The following TPGS2 variants were observed in gnomAD, a reference collection of about 807,000 sequenced individuals.
The protein encoded by TPGS2 is polyglutamylase subunit 2.
In TPGS2, 26 loss-of-function variants were observed where a neutral mutation model predicts 31.1. That is an observed-to-expected ratio of 0.84 (90% CI 0.61 to 1.16). TPGS2 has a LOEUF of 1.16. Among genes scored for constraint, TPGS2 ranks in the 50% most tolerant of loss-of-function variants. The pLI, the probability that TPGS2 is intolerant of heterozygous loss-of-function variation, is 0.00. For synonymous variants in TPGS2, 130 were observed against 136.6 expected (o/e 0.95, Z 0.34); for missense variants, 351 against 363.8 (o/e 0.96, Z 0.29).
At chr18:36,807,680 T>C (rs141603369) in intron 3 of TPGS2, 167 bp downstream of exon 3, 7 of 619,974 alleles carry the variant, frequency 1.1e-5, no homozygotes, top group South Asian at 5.9e-5. Flanking sequence ...GAAGCAATGA[T>C]GGCATCTGTT....
intron 1 of TPGS2, among the ~76,000 whole-genome samples, chr18:36,828,339 G>GAT (rs2046288118): frequency 5.3e-5 from 8 of 152,162 alleles, no homozygotes; most frequent in Admixed American, 3.9e-4. Context: ...TAATGCCCTG[G>GAT]CTGAGAATGC....
intron 3 of TPGS2, 26 bp downstream of exon 3, chr18:36,807,821 G>T: frequency 6.2e-7 from 1 of 1,606,460 alleles, no homozygotes; most frequent in Non-Finnish European, 8.5e-7. Context: ...CCAGGGAAAT[G>T]TTCTCCTACA....
intron 5 of TPGS2, among the ~76,000 whole-genome samples, chr18:36,799,652 C>T (rs1331454367): frequency 1.3e-5 from 2 of 152,120 alleles, no homozygotes; most frequent in Non-Finnish European, 2.9e-5. Context: ...TCTGTATCCT[C>T]TCACCCCTAC....
In TPGS2 at chr18:36,828,669, C is replaced by T. The variant is rs1387762912; in HGVS notation, c.85+14G>A. On this transcript the variant is annotated intron_variant, in intron 1 of 6. Coordinates refer to ENST00000334295, the MANE Select transcript of TPGS2 (RefSeq NM_015476.4). ...TCCTCCACACCCTCTCGGCACCGTG[C>T]CCCCTTTCCTCACCTAGGATGCGCG... The T allele has an allele frequency of 1.2e-6, 2 of 1,613,886 alleles. No homozygotes were observed. Among genetic ancestry groups the T allele is most frequent in the Non-Finnish European group, 1.7e-6 (2 of 1,179,816 alleles).
rs542083540 is a variant in TPGS2, at chr18:36,814,384, A to C, written c.165+4510T>G. Among the ~76,000 whole-genome samples, 29 of 152,340 alleles carry C rather than the reference A, an allele frequency of 1.9e-4. 1 individual carries two copies. Among genetic ancestry groups the C allele is most frequent in the African/African-American group, 6.5e-4 (27 of 41,586 alleles). ...ACTGAAATTGTGTATTTAAGAAGAA[A>C]AAATGGTCAAATATATAAACATGGA... On this transcript the variant is annotated intron_variant, in intron 2 of 6. Coordinates refer to ENST00000334295, the MANE Select transcript of TPGS2 (RefSeq NM_015476.4).
chr18:36,791,430 C>A (rs1227210121), downstream of TPGS2, among the ~76,000 whole-genome samples: 1 of 151,986 alleles, frequency 6.6e-6, no homozygotes, highest in African/African-American at 2.4e-5. Context: ...CTAGGGCTTC[C>A]CAGAACCCTG....
At position 36,795,220 on chromosome 18, in the gene TPGS2, A is replaced by T; in HGVS notation, c.*1585T>A. On this transcript the variant is annotated 3_prime_UTR_variant, in exon 7 of 7. Transcript: ENST00000334295. ...TAAACATGTTTCAGAGCAAAAGTGC[A>T]TGTGGAGAATCCTGTGGACTGCTCT... 4.1e-6 allele frequency: 4 copies of T among 985,470 alleles called. No homozygotes were observed. The highest frequency in any genetic ancestry group is 4.8e-6 in the Non-Finnish European group (4 of 829,952). 61.0% of individuals were successfully genotyped at this position (985,470 alleles called of 1,614,324 possible). A position where few individuals can be genotyped will look rare whatever the true frequency, so the allele number is the denominator to read the frequency against.
chr18:36,807,989 G>A, intron 2 of TPGS2, 55 bp from the exon 3 acceptor site: 1 of 1,575,270 alleles, frequency 6.3e-7, no homozygotes, highest in Non-Finnish European at 8.7e-7. Context: ...AGGGTACAGG[G>A]CTATGGCTTA....
At chr18:36,786,222 A>C (rs948026647) in intron 6 of TPGS2, among the ~76,000 whole-genome samples, 8 of 152,098 alleles carry the variant, frequency 5.3e-5, no homozygotes, top group African/African-American at 1.7e-4. Flanking sequence ...TATGGCTGAT[A>C]GAATAAGGGG....
intron 2 of TPGS2, among the ~76,000 whole-genome samples, chr18:36,816,608 G>A (rs2045665276): frequency 6.6e-6 from 1 of 152,148 alleles, no homozygotes; most frequent in Non-Finnish European, 1.5e-5. Flanking sequence ...CCCTGAGGCA[G>A]TTCTTTTTTT....
In TPGS2 at chr18:36,795,784, G is replaced by C. The variant is rs2044499036; in HGVS notation, c.*1021C>G. 6 of 985,464 alleles carry C rather than the reference G, an allele frequency of 6.1e-6. No homozygotes were observed. In the Middle Eastern group the frequency reaches 1.6e-3, roughly 257 times the overall value. 61.0% of individuals were successfully genotyped at this position (985,464 alleles called of 1,614,324 possible). ...CCCTGTTCTAAGCAGGAGACTGCTTGTCCTAAGGATGGCCAGGGACCAGGC... is the reference window on the plus strand; with the variant it reads ...CCCTGTTCTAAGCAGGAGACTGCTTCTCCTAAGGATGGCCAGGGACCAGGC... On this transcript the variant is annotated 3_prime_UTR_variant, in exon 7 of 7. Coordinates refer to ENST00000334295, the MANE Select transcript of TPGS2 (RefSeq NM_015476.4).
chr18:36,803,891 G>T (rs2044969381), intron 4 of TPGS2, among the ~76,000 whole-genome samples: 1 of 149,048 alleles, frequency 6.7e-6, no homozygotes, highest in African/African-American at 2.5e-5. Context: ...CTCTGGTTGT[G>T]TTTTTTTTTT....
At position 36,829,002 on chromosome 18, in the gene TPGS2, C is replaced by T; in HGVS notation, c.-235G>A. ...CCTCCGGGACGTAGCTTCCCCTTCG[C>T]CCCCACCCTCTCGCCCCGCAGGGGC... On this transcript the variant is annotated 5_prime_UTR_variant, in exon 1 of 7. Transcript: ENST00000334295. The T allele has an allele frequency of 3.4e-6, 4 of 1,168,362 alleles. No homozygotes were observed. Among genetic ancestry groups the T allele is most frequent in the South Asian group, 1.7e-5 (1 of 57,924 alleles). The allele number at this position is 1,168,362 out of a possible 1,614,324, so 72.4% of individuals were successfully genotyped here.
In TPGS2 at chr18:36,818,805, A is replaced by T; in HGVS notation, c.165+89T>A. 3 of 1,226,524 alleles carry T rather than the reference A, an allele frequency of 2.4e-6. No individual in the cohort carries two copies. In the South Asian group the frequency reaches 4.2e-5, roughly 17 times the overall value. 76.0% of individuals were successfully genotyped at this position (1,226,524 alleles called of 1,614,324 possible). A position where few individuals can be genotyped will look rare whatever the true frequency, so the allele number is the denominator to read the frequency against. Reference sequence around the variant, plus strand: ...TTGAAAGCAGCTGTGGTCTGAGTAAATATTCTTCCTCCCCTAATCTTTCCT... The same window carrying T: ...TTGAAAGCAGCTGTGGTCTGAGTAATTATTCTTCCTCCCCTAATCTTTCCT... On this transcript the variant is annotated intron_variant, in intron 2 of 6. Transcript: ENST00000334295.
intron 6 of TPGS2, among the ~76,000 whole-genome samples, chr18:36,784,625 T>C (rs1028056446): frequency 3.9e-5 from 6 of 152,234 alleles, no homozygotes; most frequent in African/African-American, 1.4e-4. Flanking sequence ...AAGTGATTTC[T>C]AAAAATAGCT....
Position 36,796,313 on chromosome 18 carries a change from TG to T in TPGS2, c.*491del, listed in dbSNP as rs1402609815. 6 of 979,702 alleles carry T rather than the reference TG, an allele frequency of 6.1e-6. No homozygotes were observed. The highest frequency in any genetic ancestry group is 7.3e-6 in the Non-Finnish European group (6 of 824,806). The allele number at this position is 979,702 out of a possible 1,614,324, so 60.7% of individuals were successfully genotyped here. ...TGGTGATGGAAATGTTCCATATCTT[TG>T]TGCTAATACAGAATCTACCAGCCAC... On this transcript the variant is annotated 3_prime_UTR_variant, in exon 7 of 7. Transcript: ENST00000334295.
chr18:36,809,102 A>T (rs1204104149), intron 2 of TPGS2, among the ~76,000 whole-genome samples: 2 of 152,190 alleles, frequency 1.3e-5, no homozygotes, highest in African/African-American at 4.8e-5. Context: ...TACCCAATGC[A>T]TGGGAAAGCA....
At chr18:36,780,561 G>C (rs1358117149), downstream of TPGS2, among the ~76,000 whole-genome samples, 1 of 152,122 alleles carries the variant, frequency 6.6e-6, no homozygotes, top group Non-Finnish European at 1.5e-5. Flanking sequence ...TGTGTTGTTA[G>C]GCAGTTTCAT....
chr18:36,784,573 TTG>T (rs946354931), intron 6 of TPGS2, among the ~76,000 whole-genome samples: 3 of 152,216 alleles, frequency 2.0e-5, no homozygotes, highest in African/African-American at 7.2e-5. Flanking sequence ...GAAAAATCAG[TTG>T]TGTTTGCTAG....
Sources: allele counts gnomAD v4.1 joint callset (sites outside exome capture counted in the v4.1 genomes callset), GRCh38; gene constraint gnomAD v4.1.1; transcripts MANE v1.5; gene names NCBI Gene and HGNC (gene_info 2026-07-23, HGNC 2026-07-21).